LRRC37A2: variants seen among roughly 807,000 people sequenced by gnomAD.
LRRC37A2 encodes the protein leucine-rich repeat-containing protein 37A2.
Under a neutral mutation model 68.8 loss-of-function variants are expected in LRRC37A2, and 9 were observed. That is an observed-to-expected ratio of 0.13 (90% CI 0.08 to 0.23). The LOEUF (loss-of-function observed/expected upper bound fraction) is 0.23. Ranked by LOEUF, LRRC37A2 falls within the 10% of genes least tolerant of loss-of-function variation. LRRC37A2 has a pLI of 1.00. For missense variants in LRRC37A2, 168 were observed against 950.4 expected (o/e 0.18, Z 10.82); for synonymous variants, 63 against 367.6 (o/e 0.17, Z 9.48).
At chr17:46,492,329 A>G in the LRRC37A2 span, among the ~76,000 whole-genome samples, 1 of 150,996 alleles carries the variant, frequency 6.6e-6, no homozygotes, top group African/African-American at 2.5e-5. Flanking sequence ...TAATGTATTT[A>G]AGATTCATCT....
the LRRC37A2 span, among the ~76,000 whole-genome samples, chr17:46,803,966 G>A: frequency 1.6e-4 from 25 of 152,180 alleles, no homozygotes; most frequent in African/African-American, 5.8e-4. Context: ...CAGGTAAAGC[G>A]TGTTTTCCCT....
chr17:46,777,856 C>T, the LRRC37A2 span, among the ~76,000 whole-genome samples: 4 of 152,226 alleles, frequency 2.6e-5, no homozygotes, highest in Non-Finnish European at 5.9e-5. Context: ...TCCTGAGCCT[C>T]AGTCATGATG....
chr17:46,997,116 G>A, the LRRC37A2 span, among the ~76,000 whole-genome samples: 4 of 152,100 alleles, frequency 2.6e-5, no homozygotes, highest in South Asian at 4.1e-4. Flanking sequence ...TTTGGGAGGC[G>A]GAGGCAGTCT....
chr17:46,770,146 AG>A, the LRRC37A2 span: 1 of 1,434,222 alleles, frequency 7.0e-7, no homozygotes, highest in Non-Finnish European at 9.2e-7. Flanking sequence ...GAACGAGGCC[AG>A]GAAGAGTTGA....
the LRRC37A2 span, chr17:46,714,060 G>A: frequency 6.9e-7 from 1 of 1,441,032 alleles, no homozygotes; most frequent in Non-Finnish European, 9.3e-7. Context: ...ATATGCCTTT[G>A]TACATGTATA....
chr17:46,734,027 A>T, the LRRC37A2 span, among the ~76,000 whole-genome samples: 1 of 152,142 alleles, frequency 6.6e-6, no homozygotes, highest in Non-Finnish European at 1.5e-5. Context: ...TTTCTGCATG[A>T]GTTTTGTTTT....
the LRRC37A2 span, among the ~76,000 whole-genome samples, chr17:46,403,951 C>T: frequency 1.7e-5 from 1 of 59,352 alleles, no homozygotes; most frequent in African/African-American, 6.6e-5. Context: ...CCACCCACCT[C>T]GGCCTCCCAA....
At chr17:46,931,376 G>C in the LRRC37A2 span, 208,158 of 632,128 alleles carry the variant, frequency 0.33, 36,483 homozygotes, top group South Asian at 0.42. Context: ...GAGTGATGCC[G>C]CTCAAAATAA....
At chr17:46,876,675 A>G in the LRRC37A2 span, 1 of 1,590,654 alleles carries the variant, frequency 6.3e-7, no homozygotes, top group Middle Eastern at 1.7e-4. Flanking sequence ...GTGGAGTGCC[A>G]GCAATGTGTG....
At chr17:46,926,457 A>G in the LRRC37A2 span, among the ~76,000 whole-genome samples, 1 of 152,166 alleles carries the variant, frequency 6.6e-6, no homozygotes, top group African/African-American at 2.4e-5. Flanking sequence ...AACCTTTTTT[A>G]AAGACGGCTA....
At chr17:46,657,597 T>TGG in the LRRC37A2 span, among the ~76,000 whole-genome samples, 11 of 126,976 alleles carry the variant, frequency 8.7e-5, no homozygotes, top group Admixed American at 1.6e-4. Context: ...TGCTCATTCT[T>TGG]CAAGTTTCAG....
chr17:46,774,806 C>T, the LRRC37A2 span, among the ~76,000 whole-genome samples: 1 of 152,196 alleles, frequency 6.6e-6, no homozygotes, highest in African/African-American at 2.4e-5. Context: ...TTTCCGTTCC[C>T]TGCCCTCAGC....
chr17:46,497,693 T>A, the LRRC37A2 span, among the ~76,000 whole-genome samples: 2 of 149,360 alleles, frequency 1.3e-5, no homozygotes, highest in African/African-American at 5.1e-5. Flanking sequence ...ATGCATACAT[T>A]GTGTATGTAT....
intron 8 of LRRC37A2, among the ~76,000 whole-genome samples, chr17:46,545,260 T>C (rs1393039607): frequency 2.1e-5 from 3 of 141,452 alleles, no homozygotes; most frequent in East Asian, 4.1e-4. Flanking sequence ...GGGGAAACTC[T>C]GTCACTACTG....
the LRRC37A2 span, among the ~76,000 whole-genome samples, chr17:46,967,483 T>TTGTCC: frequency 6.6e-6 from 1 of 152,210 alleles, no homozygotes; most frequent in African/African-American, 2.4e-5. Flanking sequence ...AGGTTGTACT[T>TTGTCC]GAGCTTGGTC....
the LRRC37A2 span, among the ~76,000 whole-genome samples, chr17:46,710,599 T>C: frequency 6.6e-6 from 1 of 152,238 alleles, no homozygotes; most frequent in Non-Finnish European, 1.5e-5. Context: ...GCGCTGTTTC[T>C]AAGTCCATAA....
the LRRC37A2 span, among the ~76,000 whole-genome samples, chr17:47,048,679 C>T: frequency 2.1e-5 from 1 of 47,014 alleles, no homozygotes; most frequent in Admixed American, 2.7e-4. Context: ...GATCTATCAG[C>T]AATGGGAGGG....
the LRRC37A2 span, among the ~76,000 whole-genome samples, chr17:46,969,769 T>A: frequency 6.6e-6 from 1 of 152,222 alleles, no homozygotes; most frequent in African/African-American, 2.4e-5. Flanking sequence ...CTGTGGGGAC[T>A]CCCAGGCCTG....
the LRRC37A2 span, among the ~76,000 whole-genome samples, chr17:47,007,463 C>G: frequency 1.8e-4 from 27 of 152,334 alleles, no homozygotes; most frequent in Middle Eastern, 3.4e-3. Flanking sequence ...CAGGCGTGAG[C>G]CACTGCGCCT....
Sources: gnomAD v4.1 joint callset for allele counts (sites outside exome capture counted in the v4.1 genomes callset) on GRCh38, gnomAD v4.1.1 for gene constraint, MANE v1.5 for transcripts, NCBI Gene and HGNC (gene_info 2026-07-23, HGNC 2026-07-21) for gene names.